TGIF2: variants seen among roughly 807,000 people sequenced by gnomAD.
The protein encoded by TGIF2 is homeobox protein TGIF2.
TGIF2 carries 5 observed loss-of-function variants against 15.1 expected under a neutral mutation model. The ratio of observed to expected loss-of-function variants is 0.33; its 90% CI spans 0.17 to 0.70. The LOEUF (loss-of-function observed/expected upper bound fraction) is 0.70. Among genes scored for constraint, TGIF2 ranks in the 30% least tolerant of loss-of-function variants. TGIF2 has a pLI of 0.67. For synonymous variants in TGIF2, 131 were observed against 128.9 expected (o/e 1.02, Z -0.11); for missense variants, 264 against 302.5 (o/e 0.87, Z 0.94).
chr20:36,578,648 G>T, intron 1 of TGIF2, 93 bp from the exon 2 acceptor site: 1 of 1,367,706 alleles, frequency 7.3e-7, no homozygotes, highest in African/African-American at 1.5e-5. Context: ...CATTTCTGGT[G>T]TCCCAGGCTC....
chr20:36,592,830 GT>G lies in TGIF2; in HGVS notation c.*1406del. ...TTTTTTGTTTTTTGTTTGTTTGTTT[GT>G]TTTTTTGAGACAGAGTCATGCTCTG... On this transcript the variant is annotated 3_prime_UTR_variant, in exon 3 of 3. Transcript: ENST00000373872. 1.3e-5 allele frequency: 2 copies of G among 157,510 alleles called. No individual in the cohort carries two copies. Among genetic ancestry groups the G allele is most frequent in the Non-Finnish European group, 1.4e-5 (1 of 72,548 alleles). 9.8% of individuals were successfully genotyped at this position (157,510 alleles called of 1,614,324 possible).
chr20:36,591,148 C>T lies in TGIF2; in HGVS notation c.431C>T (p.Ala144Val). 6.2e-7 allele frequency: 1 copy of T among 1,614,006 alleles called. No homozygotes were observed. Among genetic ancestry groups the T allele is most frequent in the Non-Finnish European group, 8.5e-7 (1 of 1,179,888 alleles). Residue 144 changes from alanine to valine, a missense_variant, in exon 3 of 3, where the codon GCC becomes GTC. Transcript: ENST00000373872. The surrounding 1 kb of genome is among the most constrained non-coding windows in gnomAD (Gnocchi z 5.3). ...TCAGGCCAGGGGGAAAAGCCAGCAG[C>T]CCCTTTCCCACGTGGGGAGCTGGAG... Reference protein sequence around the residue: ...LHSGQGEKPAAPFPRGELESP... With the variant: ...LHSGQGEKPAVPFPRGELESP...
At chr20:36,577,067 C>T (rs972423778) in intron 1 of TGIF2, among the ~76,000 whole-genome samples, 2 of 152,080 alleles carry the variant, frequency 1.3e-5, no homozygotes, top group African/African-American at 4.8e-5. Flanking sequence ...GGTTGACATG[C>T]ACTGGTGCGA....
In TGIF2 at chr20:36,593,762, T is replaced by C. The variant is rs2038805785; in HGVS notation, c.*2331T>C. 6.6e-6 allele frequency: 1 copy of C among 152,620 alleles called. No individual in the cohort carries two copies. Among genetic ancestry groups the C allele is most frequent in the South Asian group, 2.1e-4 (1 of 4,830 alleles). 9.5% of individuals were successfully genotyped at this position (152,620 alleles called of 1,614,324 possible). On this transcript the variant is annotated 3_prime_UTR_variant, in exon 3 of 3. Coordinates refer to ENST00000373872, the MANE Select transcript of TGIF2 (RefSeq NM_021809.7). ...GTGGTGAGGGAGCCATGCTGCTGAA[T>C]TCTGGTTGGCATTTCCCCATTATGT...
chr20:36,575,625 C>T (rs974106282), intron 1 of TGIF2, among the ~76,000 whole-genome samples: 3 of 152,074 alleles, frequency 2.0e-5, no homozygotes, highest in African/African-American at 7.2e-5. Context: ...TAGACCCTTC[C>T]CTCGAAAGCC....
Position 36,592,252 on chromosome 20 carries a change from C to G in TGIF2, c.*821C>G, listed in dbSNP as rs960056196. 1 of 151,966 alleles carries G rather than the reference C, an allele frequency of 6.6e-6. No individual in the cohort carries two copies. Among genetic ancestry groups the G allele is most frequent in the African/African-American group, 2.4e-5 (1 of 41,352 alleles). The allele number at this position is 151,966 out of a possible 1,614,324, so 9.4% of individuals were successfully genotyped here. A position where few individuals can be genotyped will look rare whatever the true frequency, so the allele number is the denominator to read the frequency against. On this transcript the variant is annotated 3_prime_UTR_variant, in exon 3 of 3. Transcript: ENST00000373872. ...GTAGAAAGCCACAGCAGGGGGCAGT[C>G]CAGCAGACTCTGACTCAACTTTCTA... is the stretch of plus-strand genomic sequence containing the variant.
chr20:36,583,386 A>T (rs1180267616), intron 2 of TGIF2, among the ~76,000 whole-genome samples: 2 of 151,676 alleles, frequency 1.3e-5, no homozygotes, highest in African/African-American at 4.8e-5. Context: ...TGAGCCCAGG[A>T]GTTCAAGGCT....
In TGIF2 at chr20:36,591,521, C is replaced by T. The variant is rs1276073112; in HGVS notation, c.*90C>T. On this transcript the variant is annotated 3_prime_UTR_variant, in exon 3 of 3. Coordinates refer to ENST00000373872, the MANE Select transcript of TGIF2 (RefSeq NM_021809.7). This position sits in a 1 kb window ranked among gnomAD's most constrained non-coding sequence, Gnocchi z 5.3. The stretch of plus-strand genomic sequence containing the variant: ...TTCATACAGAGGGTTTTCTATGGAT[C>T]ACTGCCAAACATTGGGATCATCTCC... The T allele has an allele frequency of 5.9e-6, 8 of 1,364,202 alleles. No homozygotes were observed. The highest frequency in any genetic ancestry group is 8.0e-6 in the Non-Finnish European group (8 of 997,820). The allele number at this position is 1,364,202 out of a possible 1,614,324, so 84.5% of individuals were successfully genotyped here.
At chr20:36,576,298 C>T (rs1047131279) in intron 1 of TGIF2, among the ~76,000 whole-genome samples, 23 of 152,226 alleles carry the variant, frequency 1.5e-4, no homozygotes, top group African/African-American at 5.3e-4. Context: ...TGCTCATTCA[C>T]CTGGATTTTG....
chr20:36,585,599 TTTGA>T (rs1440850653), intron 2 of TGIF2, among the ~76,000 whole-genome samples: 11 of 152,064 alleles, frequency 7.2e-5, no homozygotes, highest in African/African-American at 2.7e-4. Context: ...GGACATCTCT[TTTGA>T]TTGTCTCCTT....
At chr20:36,583,202 C>G (rs1198224461) in intron 2 of TGIF2, among the ~76,000 whole-genome samples, 1 of 151,828 alleles carries the variant, frequency 6.6e-6, no homozygotes, top group Admixed American at 6.6e-5. Flanking sequence ...GTCACTTGAA[C>G]CAGGAGGACG....
At chr20:36,580,437 CATT>C (rs1417065227) in intron 2 of TGIF2, among the ~76,000 whole-genome samples, 1 of 152,132 alleles carries the variant, frequency 6.6e-6, no homozygotes, top group Non-Finnish European at 1.5e-5. Flanking sequence ...CTGTGAGCCT[CATT>C]ATTCCCTCAT....
intron 2 of TGIF2, 105 bp from the exon 3 acceptor site, chr20:36,590,805 C>T (rs577560026): frequency 2.2e-5 from 28 of 1,300,800 alleles, no homozygotes; most frequent in African/African-American, 5.9e-5. Context: ...GCAATCCTCC[C>T]GCCTTGGCCA....
At chr20:36,580,980 T>C (rs1174636835) in intron 2 of TGIF2, among the ~76,000 whole-genome samples, 1 of 151,584 alleles carries the variant, frequency 6.6e-6, no homozygotes, top group East Asian at 1.9e-4. Context: ...CAAAAAAAAT[T>C]GCCAGGTGTG....
intron 2 of TGIF2, among the ~76,000 whole-genome samples, chr20:36,581,067 C>T (rs565375491): frequency 1.3e-5 from 2 of 151,938 alleles, no homozygotes; most frequent in East Asian, 3.9e-4. Flanking sequence ...GCGGAGGTTG[C>T]GGTGAGCCGA....
intron 1 of TGIF2, among the ~76,000 whole-genome samples, chr20:36,578,505 C>A (rs2038477377): frequency 2.0e-5 from 3 of 152,158 alleles, no homozygotes; most frequent in African/African-American, 7.2e-5. Flanking sequence ...TGTTTCCAGC[C>A]TGAGTCCTGC....
At chr20:36,581,496 T>C (rs2038545244) in intron 2 of TGIF2, among the ~76,000 whole-genome samples, 1 of 152,192 alleles carries the variant, frequency 6.6e-6, no homozygotes, top group Non-Finnish European at 1.5e-5. Flanking sequence ...CAGCCTAGGT[T>C]TGGGGCTGCT....
At chr20:36,577,662 C>T (rs533579141) in intron 1 of TGIF2, among the ~76,000 whole-genome samples, 5 of 151,974 alleles carry the variant, frequency 3.3e-5, no homozygotes, top group South Asian at 2.1e-4. Context: ...ACTACAGGCA[C>T]GCGCCACCAT....
rs2147942916 is a variant in TGIF2 at position 36,592,125 on chromosome 20, T to C, written c.*694T>C. ...CTCTGCAGTAGTGTGAAATTCCAAA[T>C]GGTTGTTTTATCATTGGTTTGGTTT... is the stretch of plus-strand genomic sequence containing the variant. On this transcript the variant is annotated 3_prime_UTR_variant, in exon 3 of 3. Coordinates refer to ENST00000373872, the MANE Select transcript of TGIF2 (RefSeq NM_021809.7). The C allele has an allele frequency of 6.7e-6, 1 of 149,288 alleles. No homozygotes were observed. The highest frequency in any genetic ancestry group is 1.5e-5 in the Non-Finnish European group (1 of 67,280). 9.2% of individuals were successfully genotyped at this position (149,288 alleles called of 1,614,324 possible).
Sources: gnomAD v4.1 joint callset for allele counts (sites outside exome capture counted in the v4.1 genomes callset) on GRCh38, gnomAD v4.1.1 for gene constraint, Gnocchi (gnomAD v3.1) non-coding constraint, MANE v1.5 for transcripts, NCBI Gene and HGNC (gene_info 2026-07-23, HGNC 2026-07-21) for gene names.